ACBD3: variants seen among roughly 807,000 people sequenced by gnomAD.
ACBD3 encodes the protein acyl-CoA binding domain containing 3.
A neutral mutation model predicts 66.9 loss-of-function variants in ACBD3; 30 were observed. The ratio of observed to expected loss-of-function variants is 0.45; its 90% confidence interval spans 0.34 to 0.61. The LOEUF is 0.61. Ranked by LOEUF, ACBD3 falls within the 20% of genes least tolerant of loss-of-function variation. The pLI, the probability that ACBD3 is intolerant of heterozygous loss-of-function variation, is 0.02. For missense variants in ACBD3, 544 were observed against 664.5 expected (o/e 0.82, Z 1.99); for synonymous variants, 278 against 259.8 (o/e 1.07, Z -0.68).
intron 1 of ACBD3, among the ~76,000 whole-genome samples, chr1:226,173,666 C>T (rs1038710631): frequency 4.6e-5 from 7 of 151,500 alleles, no homozygotes; most frequent in Non-Finnish European, 1.0e-4. Context: ...GGTTACAGCT[C>T]TCTTACTCTT....
At chr1:226,162,783 G>A (rs904551360) in intron 3 of ACBD3, among the ~76,000 whole-genome samples, 1 of 151,178 alleles carries the variant, frequency 6.6e-6, no homozygotes, top group African/African-American at 2.4e-5. Context: ...TCAAAATATT[G>A]TAATAACATG....
chr1:226,181,425 T>G (rs1656167896), intron 1 of ACBD3, among the ~76,000 whole-genome samples: 1 of 152,200 alleles, frequency 6.6e-6, no homozygotes, highest in South Asian at 2.1e-4. Context: ...TTGTTTGCTA[T>G]CATTAATATA....
At chr1:226,157,550 T>A (rs1234192088) in intron 5 of ACBD3, among the ~76,000 whole-genome samples, 1 of 152,052 alleles carries the variant, frequency 6.6e-6, no homozygotes, top group Non-Finnish European at 1.5e-5. Context: ...ATGGCTTTTT[T>A]TTTCCTCGAG....
chr1:226,165,673 T>C (rs552026804), intron 2 of ACBD3, among the ~76,000 whole-genome samples, 186 bp downstream of exon 2: 106 of 152,330 alleles, frequency 7.0e-4, no homozygotes, highest in African/African-American at 2.4e-3. Flanking sequence ...TCTTCCACAA[T>C]ATTTAACCAT....
intron 4 of ACBD3, among the ~76,000 whole-genome samples, chr1:226,160,656 T>C (rs1295302525): frequency 1.3e-5 from 2 of 152,222 alleles, no homozygotes; most frequent in African/African-American, 2.4e-5. Flanking sequence ...TGGACTCTCA[T>C]GTTCTCTGGT....
chr1:226,158,124 C>A (rs942841400), intron 5 of ACBD3, among the ~76,000 whole-genome samples: 3 of 152,148 alleles, frequency 2.0e-5, no homozygotes, highest in African/African-American at 7.2e-5. Context: ...ACTTGCAGTG[C>A]TTTTTAACTT....
At chr1:226,176,808 A>C (rs928968212) in intron 1 of ACBD3, among the ~76,000 whole-genome samples, 2 of 152,220 alleles carry the variant, frequency 1.3e-5, no homozygotes, top group Non-Finnish European at 2.9e-5. Context: ...AATCAGCAAA[A>C]TTATAAGGCT....
At chr1:226,156,971 T>C (rs1043455630) in intron 5 of ACBD3, among the ~76,000 whole-genome samples, 2 of 152,184 alleles carry the variant, frequency 1.3e-5, no homozygotes, top group Non-Finnish European at 2.9e-5. Context: ...CTACATGTAA[T>C]AGATTGTAAT....
intron 7 of ACBD3, among the ~76,000 whole-genome samples, chr1:226,149,955 G>C (rs1659536528): frequency 6.6e-6 from 1 of 152,094 alleles, no homozygotes; most frequent in Non-Finnish European, 1.5e-5. Context: ...AGAAAGGACA[G>C]AACAGGTTCT....
intron 5 of ACBD3, among the ~76,000 whole-genome samples, chr1:226,158,713 T>C (rs1322933040): frequency 6.6e-6 from 1 of 152,206 alleles, no homozygotes. Flanking sequence ...AATGTGCTGT[T>C]ATGAGCACTG....
At chr1:226,172,155 C>A (rs865904936) in intron 1 of ACBD3, among the ~76,000 whole-genome samples, 13 of 43,222 alleles carry the variant, frequency 3.0e-4, no homozygotes, top group Admixed American at 3.8e-4. Context: ...AACTCCATCT[C>A]AAAAAAAAAA....
intron 3 of ACBD3, among the ~76,000 whole-genome samples, chr1:226,163,597 C>CT (rs1659811528): frequency 6.6e-6 from 1 of 152,162 alleles, no homozygotes; most frequent in Admixed American, 6.5e-5. Context: ...AATGTTCCAT[C>CT]TCTTGATAAC....
intron 5 of ACBD3, 85 bp from the exon 6 acceptor site, chr1:226,154,918 C>T (rs1031193314): frequency 1.1e-5 from 13 of 1,208,276 alleles, no homozygotes; most frequent in Admixed American, 6.1e-5. Context: ...TGATACCATG[C>T]TTTTGCCCTA....
chr1:226,179,307 G>T (rs1433518137), intron 1 of ACBD3, among the ~76,000 whole-genome samples: 8 of 152,212 alleles, frequency 5.3e-5, no homozygotes, highest in Middle Eastern at 6.8e-3. Context: ...TTCCCACTAG[G>T]TACAAGTTGC....
At chr1:226,148,144 A>T (rs1490385521) in intron 7 of ACBD3, 1 of 152,208 alleles carries the variant, frequency 6.6e-6, no homozygotes, top group African/African-American at 2.4e-5. Context: ...GCATCCTGGA[A>T]AGGATCTTGG....
intron 5 of ACBD3, among the ~76,000 whole-genome samples, chr1:226,157,796 G>C (rs887792935): frequency 2.2e-4 from 34 of 152,144 alleles, no homozygotes; most frequent in African/African-American, 8.2e-4. Flanking sequence ...TATGGCCTTG[G>C]CTTCCCCAGG....
At chr1:226,161,422 T>C in intron 4 of ACBD3, 109 bp downstream of exon 4, 1 of 1,494,180 alleles carries the variant, frequency 6.7e-7, no homozygotes, top group Non-Finnish European at 9.0e-7. Context: ...CCTCCCAAAG[T>C]GCTGGGATTA....
chr1:226,184,475 T>C (rs956404433), intron 1 of ACBD3, among the ~76,000 whole-genome samples: 1 of 152,160 alleles, frequency 6.6e-6, no homozygotes, highest in African/African-American at 2.4e-5. Flanking sequence ...AAGTTATAAG[T>C]TTCCCCAGGA....
At chr1:226,173,232 C>T (rs9659225) in intron 1 of ACBD3, among the ~76,000 whole-genome samples, 67,786 of 151,900 alleles carry the variant, frequency 0.45, 15,274 homozygotes, top group African/African-American at 0.5. Flanking sequence ...GATGGTGCCA[C>T]TGCACTCCAG....
Sources: gnomAD v4.1 joint callset for allele counts (sites outside exome capture counted in the v4.1 genomes callset) on GRCh38, gnomAD v4.1.1 for gene constraint, MANE v1.5 for transcripts, NCBI Gene and HGNC (gene_info 2026-07-23, HGNC 2026-07-21) for gene names.